The following RPH3AL variants were observed in gnomAD, a reference collection of about 807,000 sequenced individuals.
RPH3AL encodes rab effector Noc2.
RPH3AL carries 38 observed loss-of-function variants against 43.1 expected under a neutral mutation model. The observed-to-expected ratio is 0.88, with a 90% CI of 0.68 to 1.15. The LOEUF (loss-of-function observed/expected upper bound fraction) is 1.15. RPH3AL is among the 50% of genes most tolerant of loss of function. The pLI, the probability that RPH3AL is intolerant of heterozygous loss-of-function variation, is 0.00. For missense variants in RPH3AL, 462 were observed against 423.2 expected (o/e 1.09, Z -0.81); for synonymous variants, 189 against 176.3 (o/e 1.07, Z -0.57).
At chr17:310,665 G>A (rs981350050) in intron 5 of RPH3AL, among the ~76,000 whole-genome samples, 6 of 152,136 alleles carry the variant, frequency 3.9e-5, no homozygotes, top group African/African-American at 9.7e-5. Context: ...CAGGGCTGCC[G>A]CCTTAACCCC....
chr17:327,422 G>A (rs1223850672), intron 3 of RPH3AL, 45 bp downstream of exon 3: 11 of 1,511,138 alleles, frequency 7.3e-6, no homozygotes, highest in Admixed American at 5.0e-5. Context: ...GAGGAGCAGG[G>A]AGGCAGAAGG....
At chr17:214,532 A>G (rs1162999059) in intron 9 of RPH3AL, among the ~76,000 whole-genome samples, 1 of 152,208 alleles carries the variant, frequency 6.6e-6, no homozygotes, top group African/African-American at 2.4e-5. Flanking sequence ...TTGGGAGGCC[A>G]AGGTGGGAGG....
At chr17:309,139 T>TA (rs1457844621) in intron 5 of RPH3AL, among the ~76,000 whole-genome samples, 1 of 151,862 alleles carries the variant, frequency 6.6e-6, no homozygotes, top group East Asian at 1.9e-4. Flanking sequence ...CTACAAAAAA[T>TA]AAAAAATTTT....
chr17:244,046 C>A (rs754928462), intron 7 of RPH3AL, among the ~76,000 whole-genome samples: 5 of 144,850 alleles, frequency 3.5e-5, no homozygotes, highest in Non-Finnish European at 7.5e-5. Context: ...TTACTTTCCT[C>A]TATTGATTAC....
intron 5 of RPH3AL, among the ~76,000 whole-genome samples, chr17:286,754 G>A (rs1050676859): frequency 3.9e-5 from 6 of 152,166 alleles, no homozygotes; most frequent in African/African-American, 7.2e-5. Flanking sequence ...GGGCTTCCTC[G>A]GAGTGGATTT....
chr17:214,031 C>T, intron 9 of RPH3AL, 108 bp from the exon 10 acceptor site: 1 of 801,652 alleles, frequency 1.2e-6, no homozygotes, highest in Non-Finnish European at 2.0e-6. Context: ...GTGGGGAAGG[C>T]AGGCTTCTGC....
In RPH3AL at chr17:250,096, A is replaced by G. The variant is rs182333256; in HGVS notation, c.439-2811T>C. Among the ~76,000 whole-genome samples, 676 of 133,818 alleles carry G rather than the reference A, an allele frequency of 5.1e-3. 6 individuals are homozygous for G. Among genetic ancestry groups the G allele is most frequent in the Admixed American group, 0.013 (173 of 13,436 alleles). The allele number at this position is 133,818 out of a possible 152,430, so 87.8% of individuals were successfully genotyped here. Reference sequence around the variant, plus strand: ...AAGGTCCATCACTGCGGGACCTCTCAGAGCCTTTACTAAGCTCCATCGCTG... The same window carrying G: ...AAGGTCCATCACTGCGGGACCTCTCGGAGCCTTTACTAAGCTCCATCGCTG... On this transcript the variant is annotated intron_variant, in intron 6 of 9. Coordinates refer to ENST00000331302, the MANE Select transcript of RPH3AL (RefSeq NM_006987.4).
At chr17:319,124 G>A (rs1431765451) in intron 5 of RPH3AL, among the ~76,000 whole-genome samples, 1 of 152,218 alleles carries the variant, frequency 6.6e-6, no homozygotes, top group Non-Finnish European at 1.5e-5. Flanking sequence ...GTTTTCTGAG[G>A]TCATAGCAGA....
chr17:232,513 A>C (rs1024501246), intron 7 of RPH3AL, among the ~76,000 whole-genome samples: 1 of 152,146 alleles, frequency 6.6e-6, no homozygotes, highest in African/African-American at 2.4e-5. Flanking sequence ...GCCTGAGAAG[A>C]CCAAGGCCGA....
intron 7 of RPH3AL, among the ~76,000 whole-genome samples, chr17:243,699 C>A (rs202053960): frequency 3.0e-3 from 245 of 80,334 alleles, no homozygotes; most frequent in African/African-American, 0.012. Context: ...CCTCTATTGA[C>A]TACCTTCCTC....
intron 5 of RPH3AL, among the ~76,000 whole-genome samples, chr17:316,968 C>T (rs1284799134): frequency 2.0e-5 from 3 of 150,564 alleles, no homozygotes; most frequent in Non-Finnish European, 2.9e-5. Flanking sequence ...TCTACACCCA[C>T]CTCCATTGAC....
chr17:222,216 G>A (rs958977922), intron 7 of RPH3AL, among the ~76,000 whole-genome samples: 1 of 152,220 alleles, frequency 6.6e-6, no homozygotes, highest in African/African-American at 2.4e-5. Flanking sequence ...ACAATTCTGT[G>A]AGGTAGGAAA....
At chr17:243,455 T>TTACCTTCCGCTATTGAC (rs2041638850) in intron 7 of RPH3AL, among the ~76,000 whole-genome samples, 4 of 122,064 alleles carry the variant, frequency 3.3e-5, no homozygotes, top group African/African-American at 9.2e-5. Flanking sequence ...CCTCTATTGA[T>TTACCTTCCGCTATTGAC]TACCTTCCTC....
intron 1 of RPH3AL, among the ~76,000 whole-genome samples, chr17:335,103 C>T (rs996475541): frequency 4.6e-5 from 7 of 152,200 alleles, no homozygotes; most frequent in Admixed American, 1.3e-4. Context: ...GGCAGCATAC[C>T]CGAGCTCCTG....
intron 5 of RPH3AL, among the ~76,000 whole-genome samples, chr17:296,279 A>C (rs1598036590): frequency 3.4e-5 from 1 of 29,582 alleles, no homozygotes; most frequent in Non-Finnish European, 6.1e-5. Flanking sequence ...GAGCTGCAGA[A>C]ATGGATGGAC....
At chr17:329,058 G>A (rs912452472) in intron 2 of RPH3AL, among the ~76,000 whole-genome samples, 1 of 152,008 alleles carries the variant, frequency 6.6e-6, no homozygotes, top group Admixed American at 6.6e-5. Context: ...CAGTGGTGAT[G>A]GTCACACATT....
chr17:315,231 C>T (rs1269200621), intron 5 of RPH3AL, among the ~76,000 whole-genome samples: 2 of 132,618 alleles, frequency 1.5e-5, no homozygotes, highest in Non-Finnish European at 3.1e-5. Context: ...TGTGCCCCCA[C>T]CTTCATTCAC....
rs2041777027 is a variant in RPH3AL at position 246,858 on chromosome 17, T to C, written c.613+253A>G. 6.6e-6 allele frequency among the ~76,000 whole-genome samples: 1 copy of C among 152,198 alleles called. No individual in the cohort carries two copies. The highest frequency in any genetic ancestry group is 1.5e-5 in the Non-Finnish European group (1 of 68,028). On this transcript the variant is annotated intron_variant, in intron 7 of 9. Transcript: ENST00000331302. This position sits in a 1 kb window ranked among gnomAD's most constrained non-coding sequence, Gnocchi z 4.8. ...CATGGCATCCTTGCCCCCAGAGCAG[T>C]ACTTGTATGTGATACTGCCCCCCGT...
Position 247,271 on chromosome 17 carries a change from C to T in RPH3AL, c.453G>A (p.Ser151=), listed in dbSNP as rs140878680. 2.3e-5 allele frequency: 37 copies of T among 1,588,770 alleles called. No individual in the cohort carries two copies. The African/African-American group carries it at 3.2e-4, about 14-fold the overall frequency. The part of the protein sequence containing the change: ...CSEQREVWKR[S]GAWFYKGLPK... ...GGAGCCCTTTGTAGAACCAGGCCCC[C>T]GACCTCTTCCAGACCTGAGTGGGGG... is the stretch of plus-strand genomic sequence containing the variant. The change falls in exon 7 of 10, where the codon TCG becomes TCA. Residue 151 remains serine, a synonymous_variant. Transcript: ENST00000331302.
Sources: allele counts gnomAD v4.1 joint callset (sites outside exome capture counted in the v4.1 genomes callset), GRCh38; gene constraint gnomAD v4.1.1; non-coding constraint Gnocchi (gnomAD v3.1); transcripts MANE v1.5; gene names NCBI Gene and HGNC (gene_info 2026-07-23, HGNC 2026-07-21).